The following SPOCK1 variants were observed in gnomAD, a reference collection of about 807,000 sequenced individuals.
The protein encoded by SPOCK1 is testican-1.
SPOCK1 carries 23 observed loss-of-function variants against 55.3 expected under a neutral mutation model. That is an observed-to-expected ratio of 0.42 (90% CI 0.30 to 0.59). The LOEUF is 0.59. SPOCK1 is among the 20% of genes least tolerant of loss of function. SPOCK1 has a pLI of 0.22. For synonymous variants in SPOCK1, 226 were observed against 221.0 expected, an observed-to-expected ratio of 1.02 and a Z score of -0.20; for missense variants, 499 against 552.5, an observed-to-expected ratio of 0.90 and a Z score of 0.97.
chr5:137,453,631 T>C (rs1580935860), intron 2 of SPOCK1, among the ~76,000 whole-genome samples: 3 of 152,190 alleles, frequency 2.0e-5, no homozygotes, highest in South Asian at 4.1e-4. Context: ...CATCCAAGGC[T>C]GCACTCTTGT....
intron 2 of SPOCK1, among the ~76,000 whole-genome samples, chr5:137,484,069 C>T (rs756219309): frequency 6.6e-6 from 1 of 152,188 alleles, no homozygotes; most frequent in Non-Finnish European, 1.5e-5. Flanking sequence ...CAGGAAAAAC[C>T]ACTTTACCGC....
At chr5:137,418,173 A>T (rs1752389658) in intron 2 of SPOCK1, among the ~76,000 whole-genome samples, 1 of 152,216 alleles carries the variant, frequency 6.6e-6, no homozygotes, top group African/African-American at 2.4e-5. Context: ...CATGGTGTAT[A>T]TGTGCCACAT....
chr5:137,450,162 A>G (rs1387362891), intron 2 of SPOCK1, among the ~76,000 whole-genome samples: 1 of 152,146 alleles, frequency 6.6e-6, no homozygotes, highest in East Asian at 1.9e-4. Context: ...AAGGGCAAGA[A>G]GATTGAGGAC....
intron 2 of SPOCK1, among the ~76,000 whole-genome samples, chr5:137,285,864 GA>G: frequency 6.6e-6 from 1 of 152,170 alleles, no homozygotes; most frequent in East Asian, 1.9e-4. Context: ...CTCCAAAGTG[GA>G]AGTCAGCACA....
chr5:137,498,457 G>T lies in SPOCK1; in HGVS notation c.102C>A (p.Asn34Lys). The T allele has an allele frequency of 1.9e-6, 3 of 1,610,006 alleles. No homozygotes were observed. Among genetic ancestry groups the T allele is most frequent in the Non-Finnish European group, 2.5e-6 (3 of 1,178,978 alleles). The change falls in exon 2 of 11, where the codon AAC (asparagine) becomes AAA (lysine). Residue 34 changes from asparagine to lysine, a missense_variant. Physicochemically the swap from Asn to Lys is moderately conservative, Grantham distance 94. Coordinates refer to ENST00000394945, the MANE Select transcript of SPOCK1 (RefSeq NM_004598.4). ...GGTCATTGTCTAGGAAATTGCCGTG[G>T]TTGGGGCCCGCGCCTCCGGCGAGCG... ...LDALAGGAGP[N>K]HGNFLDNDQW...
chr5:137,277,511 G>A (rs2127123177), intron 2 of SPOCK1, among the ~76,000 whole-genome samples: 1 of 152,264 alleles, frequency 6.6e-6, no homozygotes, highest in East Asian at 1.9e-4. Context: ...AGAGACCCTG[G>A]AGAGAAGGCA....
At chr5:137,026,518 T>C (rs1751677876) in intron 6 of SPOCK1, among the ~76,000 whole-genome samples, 1 of 152,228 alleles carries the variant, frequency 6.6e-6, no homozygotes, top group Admixed American at 6.5e-5. Context: ...GTCTCCAGCC[T>C]GCCAGCTCAC....
At position 137,338,704 on chromosome 5, in the gene SPOCK1, C is replaced by T. The variant is rs535683225; in HGVS notation, c.187-71649G>A. ...TGTTGTTTCCTGACTTTTTAATGAT[C>T]GCCATTCTAACTGGTGTGAGATGGT... On this transcript the variant is annotated intron_variant, in intron 2 of 10. Coordinates refer to ENST00000394945, the MANE Select transcript of SPOCK1 (RefSeq NM_004598.4). Among the ~76,000 whole-genome samples the T allele has an allele frequency of 8.0e-3, 1,208 of 151,416 alleles. 12 individuals carry two copies. The highest frequency in any genetic ancestry group is 0.015 in the African/African-American group (615 of 41,224).
At chr5:137,044,125 A>G (rs1752056637) in intron 6 of SPOCK1, among the ~76,000 whole-genome samples, 1 of 152,196 alleles carries the variant, frequency 6.6e-6, no homozygotes, top group African/African-American at 2.4e-5. Context: ...GTTGCTGAAC[A>G]GAAGGGGAAC....
At chr5:137,297,880 G>A (rs755162343) in intron 2 of SPOCK1, among the ~76,000 whole-genome samples, 2 of 152,130 alleles carry the variant, frequency 1.3e-5, no homozygotes, top group Non-Finnish European at 1.5e-5. Context: ...GGTAGGAATG[G>A]ACATATTTTC....
intron 3 of SPOCK1, among the ~76,000 whole-genome samples, chr5:137,265,299 C>T (rs984739269): frequency 1.3e-5 from 2 of 152,184 alleles, no homozygotes; most frequent in South Asian, 2.1e-4. Context: ...CATTTGCAAG[C>T]TTTGGCAAAG....
chr5:137,385,667 G>A (rs978808554), intron 2 of SPOCK1, among the ~76,000 whole-genome samples: 3 of 152,190 alleles, frequency 2.0e-5, no homozygotes, highest in Non-Finnish European at 4.4e-5. Context: ...CTCAGAGGTA[G>A]TGCTGAGATT....
At chr5:137,432,912 T>G (rs1752779926) in intron 2 of SPOCK1, among the ~76,000 whole-genome samples, 1 of 152,164 alleles carries the variant, frequency 6.6e-6, no homozygotes, top group Admixed American at 6.5e-5. Flanking sequence ...AATGCTGAAA[T>G]GCTTGCCCCC....
chr5:137,451,542 T>C lies in SPOCK1; in HGVS notation c.186+46831A>G, dbSNP rs115893372. ...ATCTACCTCAAAGTAATATGAAAGA[T>C]CTGCACTAATCCAGCTAATGTGCTT... On this transcript the variant is annotated intron_variant, in intron 2 of 10. Transcript: ENST00000394945. Among the ~76,000 whole-genome samples, 1,084 of 152,332 alleles carry C rather than the reference T, an allele frequency of 7.1e-3. 10 individuals are homozygous for C. The highest frequency in any genetic ancestry group is 0.025 in the African/African-American group (1,025 of 41,566).
At chr5:137,321,909 T>A (rs766499616) in intron 2 of SPOCK1, among the ~76,000 whole-genome samples, 2 of 151,870 alleles carry the variant, frequency 1.3e-5, no homozygotes, top group African/African-American at 2.4e-5. Flanking sequence ...CAATCCAGAT[T>A]TGTGTGTCTG....
At chr5:137,419,810 T>C (rs964599907) in intron 2 of SPOCK1, among the ~76,000 whole-genome samples, 2 of 152,222 alleles carry the variant, frequency 1.3e-5, no homozygotes, top group African/African-American at 4.8e-5. Flanking sequence ...TCCTGCCAGT[T>C]TTCCCTGGCC....
chr5:137,022,853 T>C (rs1467981879), intron 6 of SPOCK1, among the ~76,000 whole-genome samples: 3 of 152,198 alleles, frequency 2.0e-5, no homozygotes, highest in African/African-American at 7.2e-5. Flanking sequence ...ATATGGGCCA[T>C]AGATAGAATT....
At chr5:137,497,085 G>A (rs1195036029) in intron 2 of SPOCK1, among the ~76,000 whole-genome samples, 1 of 152,236 alleles carries the variant, frequency 6.6e-6, no homozygotes, top group East Asian at 1.9e-4. Context: ...AAAGTGTATG[G>A]AAACATCTGG....
At chr5:137,495,872 G>A (rs549991670) in intron 2 of SPOCK1, among the ~76,000 whole-genome samples, 19 of 152,324 alleles carry the variant, frequency 1.2e-4, no homozygotes, top group African/African-American at 4.6e-4. Flanking sequence ...CACTGTTAGT[G>A]TCAGGTGACT....
Sources: gnomAD v4.1 joint callset for allele counts (sites outside exome capture counted in the v4.1 genomes callset) on GRCh38, gnomAD v4.1.1 for gene constraint, MANE v1.5 for transcripts, NCBI Gene and HGNC (gene_info 2026-07-23, HGNC 2026-07-21) for gene names.